Variants in ANO4 observed in about 807,000 individuals in gnomAD.
ANO4 encodes anoctamin 4.
ANO4 carries 69 observed loss-of-function variants against 141.9 expected under a neutral mutation model. The ratio of observed to expected loss-of-function variants is 0.49; its 90% confidence interval spans 0.40 to 0.59. The LOEUF is 0.59. Among genes scored for constraint, ANO4 ranks in the 20% least tolerant of loss-of-function variants. The pLI, the probability that ANO4 is intolerant of heterozygous loss-of-function variation, is 0.00. For synonymous variants in ANO4, 350 were observed against 394.3 expected (o/e 0.89, Z 1.33); for missense variants, 894 against 1,162.2 (o/e 0.77, Z 3.36).
chr12:100,774,545 C>G (rs1204875867), intron 3 of ANO4, among the ~76,000 whole-genome samples: 2 of 152,114 alleles, frequency 1.3e-5, no homozygotes, highest in Non-Finnish European at 2.9e-5. Context: ...GTTAAACATC[C>G]AAGTAGATGA....
At chr12:100,908,602 T>A (rs1236243460) in intron 2 of ANO4, among the ~76,000 whole-genome samples, 2 of 152,210 alleles carry the variant, frequency 1.3e-5, no homozygotes, top group Non-Finnish European at 2.9e-5. Context: ...ATTCTCTTTA[T>A]TTTTAGTGTA....
chr12:101,103,435 T>C (rs1287652918), intron 22 of ANO4, among the ~76,000 whole-genome samples: 1 of 151,432 alleles, frequency 6.6e-6, no homozygotes, highest in Non-Finnish European at 1.5e-5. Flanking sequence ...TGAGAGTTAT[T>C]ATCATGACTA....
At chr12:101,099,747 T>C in intron 22 of ANO4, 27 bp downstream of exon 22, 6 of 1,501,732 alleles carry the variant, frequency 4.0e-6, no homozygotes, top group Non-Finnish European at 5.3e-6. Flanking sequence ...CTTTATCTTA[T>C]TAATTATAAA....
intron 1 of ANO4, among the ~76,000 whole-genome samples, chr12:100,888,071 T>G (rs1270224305): frequency 6.6e-6 from 1 of 152,198 alleles, no homozygotes; most frequent in Non-Finnish European, 1.5e-5. Flanking sequence ...GGATTTAGAT[T>G]GGCATTCAGA....
At chr12:100,902,602 T>G (rs1223913506) in intron 2 of ANO4, among the ~76,000 whole-genome samples, 1 of 152,210 alleles carries the variant, frequency 6.6e-6, no homozygotes, top group Non-Finnish European at 1.5e-5. Context: ...CTCTCTGTAA[T>G]GTCCTAGTGG....
intron 3 of ANO4, among the ~76,000 whole-genome samples, chr12:100,784,478 A>G (rs2033803539): frequency 6.6e-6 from 1 of 152,060 alleles, no homozygotes; most frequent in African/African-American, 2.4e-5. Flanking sequence ...AAGGATATTC[A>G]TTTTCCTCTC....
At chr12:101,049,039 T>C (rs2047750931) in intron 14 of ANO4, among the ~76,000 whole-genome samples, 1 of 152,208 alleles carries the variant, frequency 6.6e-6, no homozygotes. Flanking sequence ...AAAGCTTCAA[T>C]TTAATGATAT....
At chr12:100,992,342 C>T (rs1236360505) in intron 8 of ANO4, among the ~76,000 whole-genome samples, 1 of 152,226 alleles carries the variant, frequency 6.6e-6, no homozygotes, top group Non-Finnish European at 1.5e-5. Flanking sequence ...TCCCACTCTT[C>T]ATTTGTTGTG....
At chr12:100,894,548 T>G (rs1341002288) in intron 1 of ANO4, among the ~76,000 whole-genome samples, 1 of 152,100 alleles carries the variant, frequency 6.6e-6, no homozygotes, top group Non-Finnish European at 1.5e-5. Context: ...CCCCCTCTTA[T>G]GGGAACATAC....
chr12:101,078,862 T>G (rs1305104619), intron 14 of ANO4, among the ~76,000 whole-genome samples: 2 of 152,222 alleles, frequency 1.3e-5, no homozygotes, highest in Non-Finnish European at 2.9e-5. Flanking sequence ...CTGTATCAAT[T>G]AGATAGATGT....
At chr12:100,799,482 C>G (rs1412094093) in intron 1 of ANO4, among the ~76,000 whole-genome samples, 1 of 152,172 alleles carries the variant, frequency 6.6e-6, no homozygotes, top group Non-Finnish European at 1.5e-5. Context: ...GTGGCCCATG[C>G]CTGTAAATCC....
chr12:100,980,671 GAAAT>G (rs2044419038), intron 7 of ANO4, among the ~76,000 whole-genome samples: 1 of 152,152 alleles, frequency 6.6e-6, no homozygotes, highest in African/African-American at 2.4e-5. Context: ...AGCAGGCAGA[GAAAT>G]AAAGCACTTC....
intron 1 of ANO4, among the ~76,000 whole-genome samples, chr12:100,864,356 A>T (rs1338116111): frequency 6.6e-6 from 1 of 152,184 alleles, no homozygotes; most frequent in Non-Finnish European, 1.5e-5. Flanking sequence ...AAAAATTAAG[A>T]TTGCTGTTAG....
chr12:100,750,631 A>C (rs947062383), intron 3 of ANO4, among the ~76,000 whole-genome samples: 1 of 152,204 alleles, frequency 6.6e-6, no homozygotes, highest in African/African-American at 2.4e-5. Flanking sequence ...TGTTTTTATC[A>C]AAACACGCCT....
Position 101,043,644 on chromosome 12 carries a change from AAACTGT to A in ANO4, c.1251+11_1251+16del. On this transcript the variant is annotated intron_variant, in intron 13 of 27. Transcript: ENST00000392977. The stretch of plus-strand genomic sequence containing the variant: ...GCTGTGTATATGCCAAGGTAATTTC[AAACTGT>A]AGCATTTTAGATGAATTGAATTTAA... The A allele has an allele frequency of 6.3e-7, 1 of 1,585,662 alleles. No individual in the cohort carries two copies. Among genetic ancestry groups the A allele is most frequent in the South Asian group, 1.1e-5 (1 of 90,546 alleles).
Position 100,876,031 on chromosome 12 carries a change from C to T in ANO4, c.-140-25615C>T, listed in dbSNP as rs988286326. On this transcript the variant is annotated intron_variant, in intron 1 of 27. Coordinates refer to ENST00000392977, the MANE Select transcript of ANO4 (RefSeq NM_001286615.2). ...GGGCAACCCATGCAGTCCCACAGGG[C>T]TCTCCTACATGGAAAGGTCCCATAC... Among the ~76,000 whole-genome samples the T allele has an allele frequency of 3.3e-5, 5 of 152,154 alleles. No individual in the cohort carries two copies. The South Asian group carries it at 1.0e-3, about 32-fold the overall frequency.
chr12:101,007,158 G>A (rs1462114252), intron 8 of ANO4, among the ~76,000 whole-genome samples: 15 of 152,114 alleles, frequency 9.9e-5, no homozygotes, highest in Non-Finnish European at 1.3e-4. Context: ...TTCGAGAGCA[G>A]CCTGGCCAAC....
intron 1 of ANO4, among the ~76,000 whole-genome samples, chr12:100,730,221 A>G (rs2031325569): frequency 6.6e-6 from 1 of 152,210 alleles, no homozygotes; most frequent in Admixed American, 6.5e-5. Context: ...AATTTTATTG[A>G]TTCAGCAAAT....
intron 5 of ANO4, among the ~76,000 whole-genome samples, chr12:100,966,153 C>T (rs1197831812): frequency 6.6e-6 from 1 of 152,128 alleles, no homozygotes; most frequent in Non-Finnish European, 1.5e-5. Context: ...TATTTATTAC[C>T]TTCTCAGGTT....
Sources: allele counts gnomAD v4.1 joint callset (sites outside exome capture counted in the v4.1 genomes callset), GRCh38; gene constraint gnomAD v4.1.1; transcripts MANE v1.5; gene names NCBI Gene and HGNC (gene_info 2026-07-23, HGNC 2026-07-21).